LAMA2: variants seen among roughly 807,000 people sequenced by gnomAD.
The protein encoded by LAMA2 is laminin subunit alpha 2.
In LAMA2, 269 loss-of-function variants were observed where a neutral mutation model predicts 364.8. That is an observed-to-expected ratio of 0.74 (90% CI 0.67 to 0.82). The LOEUF is 0.82. LAMA2 is among the 40% of genes least tolerant of loss of function. The probability of loss-of-function intolerance (pLI) is 0.00; values close to 1 mark genes in which losing one functional copy is unlikely to be tolerated. For synonymous variants in LAMA2, 1,379 were observed against 1,370.6 expected (o/e 1.01, Z -0.14); for missense variants, 3,807 against 3,873.2 (o/e 0.98, Z 0.45).
At chr6:129,392,434 C>T (rs1003935935) in intron 36 of LAMA2, among the ~76,000 whole-genome samples, 1 of 152,136 alleles carries the variant, frequency 6.6e-6, no homozygotes, top group African/African-American at 2.4e-5. Context: ...TATTAACAAG[C>T]CCTTCAGGGG....
intron 1 of LAMA2, among the ~76,000 whole-genome samples, chr6:128,941,452 C>T (rs1267090364): frequency 6.8e-6 from 1 of 147,476 alleles, no homozygotes; most frequent in Non-Finnish European, 1.5e-5. Flanking sequence ...ATGAATGAAT[C>T]AATCAATCCA....
chr6:129,124,298 C>T (rs1776982341), intron 4 of LAMA2, among the ~76,000 whole-genome samples: 2 of 152,176 alleles, frequency 1.3e-5, no homozygotes, highest in Admixed American at 6.6e-5. Context: ...GTAAAGTGAA[C>T]AGCCTTGGAA....
At chr6:129,171,861 G>T (rs1225309197) in intron 9 of LAMA2, among the ~76,000 whole-genome samples, 7 of 103,506 alleles carry the variant, frequency 6.8e-5, no homozygotes, top group Non-Finnish European at 9.8e-5. Flanking sequence ...TTTCTTGGAG[G>T]CTTTGCTCAT....
At position 129,182,733 on chromosome 6, in the gene LAMA2, T is replaced by C. The variant is rs193107804; in HGVS notation, c.1467+4867T>C. Among the ~76,000 whole-genome samples the C allele has an allele frequency of 7.2e-5, 11 of 151,898 alleles. No individual in the cohort carries two copies. The East Asian group carries it at 2.1e-3, about 29-fold the overall frequency. On this transcript the variant is annotated intron_variant, in intron 10 of 64. Transcript: ENST00000421865. ...TAAGTACTAATTTCAGAATAGTAGT[T>C]ACCTCTAGAGAAACAGGAAAGGGAA...
chr6:129,163,211 A>G (rs1345452768), intron 8 of LAMA2, among the ~76,000 whole-genome samples: 2 of 151,702 alleles, frequency 1.3e-5, no homozygotes, highest in Non-Finnish European at 2.9e-5. Flanking sequence ...TAGGGCGTTC[A>G]TTGTATCTGA....
At position 129,146,677 on chromosome 6, in the gene LAMA2, C is replaced by G. The variant is rs1256713001; in HGVS notation, c.820-282C>G. Among the ~76,000 whole-genome samples the G allele has an allele frequency of 7.2e-5, 11 of 152,140 alleles. No individual in the cohort carries two copies. The South Asian group carries it at 2.1e-3, about 29-fold the overall frequency. On this transcript the variant is annotated intron_variant, in intron 5 of 64. Transcript: ENST00000421865. The stretch of plus-strand genomic sequence containing the variant: ...CTTAGCCCCAGATAAAAACTACTGT[C>G]AGCCACAGGTACTCTAGCATGGACT...
chr6:129,385,641 A>C (rs1778973764), intron 35 of LAMA2, among the ~76,000 whole-genome samples: 1 of 152,122 alleles, frequency 6.6e-6, no homozygotes, highest in South Asian at 2.1e-4. Context: ...TTCTTATCTC[A>C]CTATAATTTT....
chr6:129,428,785 T>A (rs1404874561), intron 41 of LAMA2, among the ~76,000 whole-genome samples: 2 of 152,156 alleles, frequency 1.3e-5, no homozygotes, highest in Non-Finnish European at 2.9e-5. Context: ...GATTCAGGAA[T>A]CAAAATGCAC....
intron 12 of LAMA2, among the ~76,000 whole-genome samples, chr6:129,199,178 C>T (rs562743354): frequency 1.9e-4 from 29 of 152,156 alleles, no homozygotes; most frequent in South Asian, 6.2e-4. Context: ...TTTTATCATC[C>T]GTGTTTGAGG....
chr6:129,394,925 C>T (rs1428012755), intron 37 of LAMA2, among the ~76,000 whole-genome samples: 2 of 152,036 alleles, frequency 1.3e-5, no homozygotes, highest in Admixed American at 6.6e-5. Context: ...GTATGTGCCA[C>T]GTTTAACTAA....
chr6:129,380,583 G>A (rs545640989), intron 34 of LAMA2, among the ~76,000 whole-genome samples: 111 of 152,234 alleles, frequency 7.3e-4, no homozygotes, highest in Non-Finnish European at 1.2e-3. Context: ...CCTGGGAATG[G>A]CCACGCTAAG....
chr6:129,075,741 G>C (rs1385476231), intron 3 of LAMA2, among the ~76,000 whole-genome samples: 1 of 152,140 alleles, frequency 6.6e-6, no homozygotes, highest in Non-Finnish European at 1.5e-5. Context: ...AGGAGGAGCA[G>C]AATGGAGATA....
intron 3 of LAMA2, among the ~76,000 whole-genome samples, chr6:129,091,030 G>T (rs1774790158): frequency 6.6e-6 from 1 of 151,920 alleles, no homozygotes; most frequent in East Asian, 1.9e-4. Flanking sequence ...GCTTATTATT[G>T]CTTGTTAAAA....
chr6:129,093,959 G>C (rs897963781), intron 3 of LAMA2, among the ~76,000 whole-genome samples: 3 of 152,236 alleles, frequency 2.0e-5, no homozygotes, highest in African/African-American at 2.4e-5. Flanking sequence ...CTGCACACCA[G>C]AACAGACTGG....
chr6:129,441,548 A>G (rs1782116031), intron 43 of LAMA2, among the ~76,000 whole-genome samples: 2 of 152,178 alleles, frequency 1.3e-5, no homozygotes, highest in South Asian at 4.1e-4. Flanking sequence ...CATCTCTTAT[A>G]TATTATATAA....
rs570188623 is a variant in LAMA2, at chr6:129,209,778, C to T, written c.1782+16925C>T. Reference sequence around the variant, plus strand: ...CAGCACTTTGGGAGGCTGAGGCGGGCGGATAACGAGGTCAGGAGATCGAGA... The same window carrying T: ...CAGCACTTTGGGAGGCTGAGGCGGGTGGATAACGAGGTCAGGAGATCGAGA... On this transcript the variant is annotated intron_variant, in intron 12 of 64. Coordinates refer to ENST00000421865, the MANE Select transcript of LAMA2 (RefSeq NM_000426.4). Among the ~76,000 whole-genome samples, 323 of 151,702 alleles carry T rather than the reference C, an allele frequency of 2.1e-3. 5 individuals are homozygous for T. The highest frequency in any genetic ancestry group is 3.4e-3 in the Middle Eastern group (1 of 292).
At chr6:128,900,740 C>T (rs1307808935) in intron 1 of LAMA2, among the ~76,000 whole-genome samples, 3 of 152,184 alleles carry the variant, frequency 2.0e-5, no homozygotes, top group African/African-American at 7.2e-5. Flanking sequence ...TTCTCCACAC[C>T]TTCAAAGCTC....
intron 1 of LAMA2, among the ~76,000 whole-genome samples, chr6:129,017,286 T>G (rs534811699): frequency 2.1e-4 from 32 of 152,134 alleles, no homozygotes; most frequent in African/African-American, 7.7e-4. Flanking sequence ...TTGTTTCTAT[T>G]TTTGTGAGGC....
intron 12 of LAMA2, among the ~76,000 whole-genome samples, chr6:129,197,340 C>T (rs1194491399): frequency 2.6e-5 from 4 of 152,192 alleles, no homozygotes; most frequent in African/African-American, 9.7e-5. Flanking sequence ...TACCTTGAGG[C>T]TTCATCTACA....
Sources: gnomAD v4.1 joint callset for allele counts (sites outside exome capture counted in the v4.1 genomes callset) on GRCh38, gnomAD v4.1.1 for gene constraint, MANE v1.5 for transcripts, NCBI Gene and HGNC (gene_info 2026-07-23, HGNC 2026-07-21) for gene names.